Variants in CLEC2A observed in about 807,000 individuals in gnomAD.
CLEC2A encodes keratinocyte-associated C-type lectin.
In CLEC2A, 19 loss-of-function variants were observed where a neutral mutation model predicts 18.6. That is an observed-to-expected ratio of 1.02 (90% CI 0.71 to 1.50). The LOEUF is 1.50. CLEC2A is among the 40% of genes most tolerant of loss of function. The pLI is 0.00. For synonymous variants in CLEC2A, 74 were observed against 64.0 expected (o/e 1.16, Z -0.75); for missense variants, 190 against 207.9 (o/e 0.91, Z 0.53).
downstream of CLEC2A, among the ~76,000 whole-genome samples, chr12:9,897,867 G>A (rs772685493): frequency 9.2e-5 from 14 of 152,164 alleles, no homozygotes; most frequent in Non-Finnish European, 1.8e-4. Flanking sequence ...TATCATACAC[G>A]TTTTCTATTC....
chr12:9,922,260 A>G (rs1308956400), intron 2 of CLEC2A, 28 bp from the exon 3 acceptor site: 1 of 1,492,802 alleles, frequency 6.7e-7, no homozygotes, highest in Non-Finnish European at 8.9e-7. Context: ...AAATGATCAG[A>G]TAAAGCATAT....
chr12:9,880,049 T>G, the CLEC2A span, among the ~76,000 whole-genome samples: 1 of 152,138 alleles, frequency 6.6e-6, no homozygotes, highest in Admixed American at 6.5e-5. Flanking sequence ...AGTTTATCAG[T>G]GGTTATGTAA....
chr12:9,893,599 A>G, the CLEC2A span: 1 of 600,856 alleles, frequency 1.7e-6, no homozygotes. Flanking sequence ...TTTTATATTA[A>G]ACTTCTTCAC....
At chr12:9,918,820 G>A (rs1189860915) in intron 3 of CLEC2A, among the ~76,000 whole-genome samples, 1 of 152,180 alleles carries the variant, frequency 6.6e-6, no homozygotes, top group Non-Finnish European at 1.5e-5. Flanking sequence ...CATCTCTGCA[G>A]TGGGTGTCAA....
chr12:9,903,239 C>A (rs913419517), intron 4 of CLEC2A, among the ~76,000 whole-genome samples: 15 of 150,736 alleles, frequency 1.0e-4, no homozygotes, highest in African/African-American at 3.7e-4. Context: ...CTTTGCTGTT[C>A]TTCTTGATCA....
chr12:9,895,325 T>C (rs1862744694), downstream of CLEC2A, among the ~76,000 whole-genome samples: 2 of 152,230 alleles, frequency 1.3e-5, 1 homozygote, highest in South Asian at 4.1e-4. Flanking sequence ...TCGAAGGCTA[T>C]GGCTAGAGAT....
downstream of CLEC2A, among the ~76,000 whole-genome samples, chr12:9,894,126 T>TTCTCTCTCTCTCTCTCTCTCTC (rs141327204): frequency 5.4e-5 from 7 of 130,288 alleles, no homozygotes; most frequent in African/African-American, 1.2e-4. Flanking sequence ...TTTCTTTTCT[T>TTCTCTCTCTCTCTCTCTCTCTC]TCTCTCTCTC....
At chr12:9,918,998 A>G (rs1415615936) in intron 3 of CLEC2A, among the ~76,000 whole-genome samples, 2 of 152,206 alleles carry the variant, frequency 1.3e-5, no homozygotes, top group Non-Finnish European at 2.9e-5. Context: ...GTGATCCAGT[A>G]GGTTGCGCTT....
chr12:9,932,143 C>T (rs1268409322), intron 1 of CLEC2A, 132 bp downstream of exon 1: 2 of 652,568 alleles, frequency 3.1e-6, no homozygotes, highest in Non-Finnish European at 5.4e-6. Context: ...CACAATTCTC[C>T]GGAAGTGCTT....
exon 5 of CLEC2A, chr12:9,898,700 A>T: frequency 2.1e-6 from 1 of 481,796 alleles, no homozygotes; most frequent in Admixed American, 3.1e-5. Flanking sequence ...TTTATTCTAC[A>T]TTATCAAAAT....
chr12:9,895,760 A>G (rs1005819288), downstream of CLEC2A: 11 of 1,535,872 alleles, frequency 7.2e-6, no homozygotes, highest in East Asian at 2.4e-4. Context: ...TATTCTGAAG[A>G]CTGTAGCTCC....
chr12:9,895,718 G>A (rs1255488120), downstream of CLEC2A: 14 of 1,534,714 alleles, frequency 9.1e-6, no homozygotes, highest in Non-Finnish European at 1.1e-5. Context: ...ACTGATGACA[G>A]GAGCTGTGCC....
chr12:9,880,163 A>C, the CLEC2A span, among the ~76,000 whole-genome samples: 6 of 152,354 alleles, frequency 3.9e-5, no homozygotes, highest in East Asian at 1.2e-3. Flanking sequence ...AGTTTGGACA[A>C]TATGTCTGGT....
intron 2 of CLEC2A, 45 bp downstream of exon 2, chr12:9,926,215 T>C: frequency 6.9e-6 from 8 of 1,163,616 alleles, no homozygotes; most frequent in Non-Finnish European, 1.0e-5. Flanking sequence ...CATGGACCCT[T>C]CAGGAGTGAA....
chr12:9,892,580 C>CTTTTT, the CLEC2A span, among the ~76,000 whole-genome samples: 12 of 104,830 alleles, frequency 1.1e-4, no homozygotes, highest in African/African-American at 1.5e-4. Context: ...TACAGAACTG[C>CTTTTT]TTTTTTTTTT....
rs991588873 is a variant in CLEC2A, at chr12:9,898,971, G to C, written c.416C>G (p.Ser139Ter). The change falls in exon 5 of 5, where the codon TCA becomes TGA. Residue 139 changes from serine to a stop codon, truncating the protein, a stop_gained. Transcript: ENST00000339766. LOFTEE classifies it high-confidence loss of function. ...CCAGTTGCAAGACCATTTGGAGTTT[G>C]ATGGCCTGAAAGCAAGAACAGACAA... 4 of 714,706 alleles carry C rather than the reference G, an allele frequency of 5.6e-6. No homozygotes were observed. The highest frequency in any genetic ancestry group is 3.5e-5 in the African/African-American group (2 of 57,172). The allele number at this position is 714,706 out of a possible 1,614,324, so 44.3% of individuals were successfully genotyped here. A position where few individuals can be genotyped will look rare whatever the true frequency, so the allele number is the denominator to read the frequency against.
chr12:9,889,134 T>C, the CLEC2A span, among the ~76,000 whole-genome samples: 3 of 152,208 alleles, frequency 2.0e-5, no homozygotes, highest in Admixed American at 1.3e-4. Context: ...GGGCTTGAGA[T>C]AGACCTATGT....
chr12:9,878,992 A>G, the CLEC2A span, among the ~76,000 whole-genome samples: 17 of 152,148 alleles, frequency 1.1e-4, no homozygotes, highest in Non-Finnish European at 4.4e-5. Flanking sequence ...GAGATGCTAC[A>G]GCGGAATCAG....
At chr12:9,884,360 C>T in the CLEC2A span, among the ~76,000 whole-genome samples, 1 of 151,664 alleles carries the variant, frequency 6.6e-6, no homozygotes, top group African/African-American at 2.4e-5. Context: ...GAGTCAAACC[C>T]AGAAAAATAT....
Sources: allele counts gnomAD v4.1 joint callset (sites outside exome capture counted in the v4.1 genomes callset), GRCh38; gene constraint gnomAD v4.1.1; transcripts MANE v1.5; gene names NCBI Gene and HGNC (gene_info 2026-07-23, HGNC 2026-07-21).